Variants in SPOCK3 observed in about 807,000 individuals in gnomAD.
SPOCK3 encodes testican-3.
Under a neutral mutation model 56.6 loss-of-function variants are expected in SPOCK3, and 30 were observed. The observed-to-expected ratio is 0.53, with a 90% confidence interval of 0.40 to 0.72. SPOCK3 has a LOEUF of 0.72. SPOCK3 is among the 30% of genes least tolerant of loss of function. The probability of loss-of-function intolerance (pLI) is 0.00; values close to 1 mark genes in which losing one functional copy is unlikely to be tolerated. For synonymous variants in SPOCK3, 196 were observed against 183.3 expected (o/e 1.07, Z -0.56); for missense variants, 527 against 530.0 (o/e 0.99, Z 0.06).
chr4:167,030,263 A>G (rs1256380411), intron 3 of SPOCK3, among the ~76,000 whole-genome samples: 2 of 151,950 alleles, frequency 1.3e-5, no homozygotes. Context: ...ATCTCATTTC[A>G]TTTTTACTTG....
At chr4:167,092,561 G>A (rs1267048965) in intron 2 of SPOCK3, among the ~76,000 whole-genome samples, 2 of 152,250 alleles carry the variant, frequency 1.3e-5, no homozygotes, top group East Asian at 3.9e-4. Flanking sequence ...ATTCTTCGTA[G>A]AAATTGAGAA....
chr4:167,205,556 T>TAG (rs1734211354), intron 2 of SPOCK3, among the ~76,000 whole-genome samples: 3 of 76,314 alleles, frequency 3.9e-5, no homozygotes, highest in African/African-American at 1.6e-4. Context: ...ATATAATATA[T>TAG]AATATATATT....
intron 2 of SPOCK3, among the ~76,000 whole-genome samples, chr4:167,130,357 T>G (rs1360071361): frequency 2.0e-5 from 3 of 152,134 alleles, no homozygotes; most frequent in Non-Finnish European, 2.9e-5. Flanking sequence ...TGGAGTTTTT[T>G]TATTTACTGG....
In SPOCK3 at chr4:166,847,396, G is replaced by T. The variant is rs1175739222; in HGVS notation, c.589+41734C>A. Reference sequence around the variant, plus strand: ...GTTTCTGAGGAATGCAACATATCAAGATGTTATATTTTCTAATATCATAAG... The same window carrying T: ...GTTTCTGAGGAATGCAACATATCAATATGTTATATTTTCTAATATCATAAG... On this transcript the variant is annotated intron_variant, in intron 6 of 10. Transcript: ENST00000357545. Among the ~76,000 whole-genome samples, 3 of 151,842 alleles carry T rather than the reference G, an allele frequency of 2.0e-5. No homozygotes were observed. The East Asian group carries it at 5.8e-4, about 29-fold the overall frequency.
intron 2 of SPOCK3, among the ~76,000 whole-genome samples, chr4:167,226,953 G>C (rs1172927039): frequency 6.6e-6 from 1 of 152,128 alleles, no homozygotes; most frequent in African/African-American, 2.4e-5. Context: ...AGTTGTAAGT[G>C]AGGTGGAAGA....
intron 4 of SPOCK3, among the ~76,000 whole-genome samples, chr4:166,938,281 ACCGCTT>A (rs1205577724): frequency 6.6e-6 from 1 of 151,984 alleles, no homozygotes; most frequent in African/African-American, 2.4e-5. Flanking sequence ...AGGTGTAAAA[ACCGCTT>A]GGGAAGAGAA....
At chr4:166,903,427 T>C (rs930038879) in intron 5 of SPOCK3, among the ~76,000 whole-genome samples, 2 of 152,006 alleles carry the variant, frequency 1.3e-5, no homozygotes, top group African/African-American at 4.8e-5. Context: ...CATTATACCA[T>C]AATAATGGTA....
chr4:166,774,763 C>T (rs1205755117), intron 7 of SPOCK3, among the ~76,000 whole-genome samples: 1 of 152,036 alleles, frequency 6.6e-6, no homozygotes, highest in African/African-American at 2.4e-5. Context: ...TGTTGAAATC[C>T]CTCTCACAAT....
At chr4:167,001,748 A>C (rs1748973148) in intron 3 of SPOCK3, among the ~76,000 whole-genome samples, 1 of 152,138 alleles carries the variant, frequency 6.6e-6, no homozygotes, top group Non-Finnish European at 1.5e-5. Context: ...TAAACAAAAA[A>C]TTCTAGTGCA....
intron 3 of SPOCK3, among the ~76,000 whole-genome samples, chr4:167,060,923 C>T (rs1013222392): frequency 1.3e-5 from 2 of 152,048 alleles, no homozygotes; most frequent in South Asian, 2.1e-4. Context: ...TAATATATAT[C>T]AAACACTTGG....
At chr4:166,982,373 C>A (rs1746678949) in intron 4 of SPOCK3, among the ~76,000 whole-genome samples, 1 of 152,120 alleles carries the variant, frequency 6.6e-6, no homozygotes, top group Non-Finnish European at 1.5e-5. Flanking sequence ...ATTTTGTAAT[C>A]TCACATAATA....
chr4:166,937,528 T>G (rs928554122), intron 4 of SPOCK3, among the ~76,000 whole-genome samples: 2 of 148,170 alleles, frequency 1.3e-5, no homozygotes, highest in African/African-American at 4.9e-5. Flanking sequence ...TATATTTATA[T>G]GTTATATAAT....
intron 6 of SPOCK3, among the ~76,000 whole-genome samples, chr4:166,843,820 A>G (rs551400312): frequency 1.4e-4 from 22 of 152,330 alleles, no homozygotes; most frequent in Admixed American, 3.9e-4. Context: ...TCCTTTGTCA[A>G]TGGGATGTTG....
At chr4:166,743,823 G>C (rs1579090219) in intron 8 of SPOCK3, among the ~76,000 whole-genome samples, 1 of 152,210 alleles carries the variant, frequency 6.6e-6, no homozygotes, top group Admixed American at 6.5e-5. Flanking sequence ...GCCTGGTTTG[G>C]TGGGTCCCAC....
At chr4:166,785,110 T>C (rs1560854337) in intron 7 of SPOCK3, among the ~76,000 whole-genome samples, 1 of 152,138 alleles carries the variant, frequency 6.6e-6, no homozygotes, top group Admixed American at 6.6e-5. Flanking sequence ...ATTTTCATGC[T>C]AATGATAATA....
intron 2 of SPOCK3, among the ~76,000 whole-genome samples, chr4:167,091,703 T>C (rs868561471): frequency 2.0e-4 from 30 of 152,282 alleles, no homozygotes; most frequent in African/African-American, 6.3e-4. Context: ...GGTTTAATTT[T>C]TGTAATACTG....
At chr4:167,180,812 G>T (rs924546765) in intron 2 of SPOCK3, among the ~76,000 whole-genome samples, 1 of 152,036 alleles carries the variant, frequency 6.6e-6, no homozygotes, top group African/African-American at 2.4e-5. Context: ...CCATGTAAGA[G>T]AAAATATTTT....
At chr4:166,992,555 C>A (rs1219586801) in intron 4 of SPOCK3, among the ~76,000 whole-genome samples, 9 of 152,068 alleles carry the variant, frequency 5.9e-5, no homozygotes, top group African/African-American at 1.9e-4. Flanking sequence ...TGAAAGGCAC[C>A]TACTACATAT....
rs538041606 is a variant in SPOCK3, at chr4:166,748,560, C to G, written c.931+5948G>C. On this transcript the variant is annotated intron_variant, in intron 8 of 10. Transcript: ENST00000357545. The stretch of plus-strand genomic sequence containing the variant: ...AGAAGAAAACCTAGGCAATACCATT[C>G]AGGACATAGGCATGGGCAAAGACTT... 1.2e-4 allele frequency among the ~76,000 whole-genome samples: 17 copies of G among 136,780 alleles called. 3 individuals carry two copies. The highest frequency in any genetic ancestry group is 2.2e-4 in the South Asian group (1 of 4,488). The allele number at this position is 136,780 out of a possible 152,430, so 89.7% of individuals were successfully genotyped here.
Sources: allele counts gnomAD v4.1 joint callset (sites outside exome capture counted in the v4.1 genomes callset), GRCh38; gene constraint gnomAD v4.1.1; transcripts MANE v1.5; gene names NCBI Gene and HGNC (gene_info 2026-07-23, HGNC 2026-07-21).